ULK4: variants seen among roughly 807,000 people sequenced by gnomAD.
ULK4 encodes inactive serine/threonine-protein kinase ULK4.
In ULK4, 133 loss-of-function variants were observed where a neutral mutation model predicts 160.6. The observed-to-expected ratio is 0.83, with a 90% CI of 0.72 to 0.96. The LOEUF (loss-of-function observed/expected upper bound fraction) is 0.96. Ranked by LOEUF, ULK4 falls within the 40% of genes least tolerant of loss-of-function variation. ULK4 has a pLI of 0.00. For synonymous variants in ULK4, 534 were observed against 539.8 expected, an observed-to-expected ratio of 0.99 and a Z score of 0.15; for missense variants, 1,580 against 1,499.5, an observed-to-expected ratio of 1.05 and a Z score of -0.89.
In ULK4 at chr3:41,804,224, C is replaced by G. The variant is rs1198940472; in HGVS notation, c.1849-3931G>C. Among the ~76,000 whole-genome samples, 12 of 151,972 alleles carry G rather than the reference C, an allele frequency of 7.9e-5. No individual in the cohort carries two copies. The East Asian group carries it at 2.1e-3, about 27-fold the overall frequency. On this transcript the variant is annotated intron_variant, in intron 19 of 36. Transcript: ENST00000301831. The stretch of plus-strand genomic sequence containing the variant: ...CTCATTGTGGTTTTGATTTGCATTT[C>G]TCTGATGGCCAGTGATGGTGAGCAT...
intron 30 of ULK4, among the ~76,000 whole-genome samples, chr3:41,646,057 C>T (rs558821616): frequency 2.6e-4 from 39 of 152,266 alleles, no homozygotes; most frequent in African/African-American, 8.9e-4. Context: ...AGATCTTCCT[C>T]CATCCTTTTA....
chr3:41,859,657 GTTTGT>G (rs779933518), intron 17 of ULK4: 52 of 281,360 alleles, frequency 1.8e-4, no homozygotes, highest in Non-Finnish European at 2.6e-4. Flanking sequence ...CTTCTTTTTT[GTTTGT>G]TTTGTTTGTT....
In ULK4 at chr3:41,455,611, G is replaced by A. The variant is rs2125871776; in HGVS notation, c.3394-16C>T. The stretch of plus-strand genomic sequence containing the variant: ...ACTTCTGGGCCTGGAACAGAGAGAA[G>A]AGAAATGAAAGACGGTCTTGGTGAT... On this transcript the variant is annotated splice_polypyrimidine_tract_variant and intron_variant, in intron 33 of 36. Transcript: ENST00000301831. 6.2e-7 allele frequency: 1 copy of A among 1,612,886 alleles called. No individual in the cohort carries two copies. The highest frequency in any genetic ancestry group is 8.5e-7 in the Non-Finnish European group (1 of 1,179,518).
intron 4 of ULK4, among the ~76,000 whole-genome samples, chr3:41,935,209 A>ATTTTTTTTTTTTTT (rs10524611): frequency 2.2e-5 from 3 of 135,554 alleles, no homozygotes; most frequent in East Asian, 2.1e-4. Flanking sequence ...TTATTTATTT[A>ATTTTTTTTTTTTTT]TTTTTTTTTT....
chr3:41,831,012 T>TTA (rs2041563674), intron 18 of ULK4, among the ~76,000 whole-genome samples: 4 of 96,902 alleles, frequency 4.1e-5, no homozygotes, highest in African/African-American at 1.7e-4. Context: ...TTATTATTTT[T>TTA]TTTATTTATT....
intron 35 of ULK4, among the ~76,000 whole-genome samples, chr3:41,395,379 A>G (rs1262401709): frequency 6.6e-6 from 1 of 152,116 alleles, no homozygotes; most frequent in East Asian, 1.9e-4. Flanking sequence ...GAACAACACA[A>G]ATGTCCATCA....
At chr3:41,483,869 A>G (rs990557940) in intron 32 of ULK4, among the ~76,000 whole-genome samples, 4 of 152,204 alleles carry the variant, frequency 2.6e-5, no homozygotes, top group African/African-American at 2.4e-5. Context: ...GACAGAAGCA[A>G]GAAGTTGAAG....
At chr3:41,650,757 G>A (rs541671276) in intron 30 of ULK4, among the ~76,000 whole-genome samples, 2 of 152,292 alleles carry the variant, frequency 1.3e-5, no homozygotes, top group South Asian at 2.1e-4. Flanking sequence ...CAGCCACAGA[G>A]GTTTCCAGCT....
intron 32 of ULK4, among the ~76,000 whole-genome samples, chr3:41,540,242 T>A (rs964584420): frequency 1.2e-4 from 18 of 151,678 alleles, no homozygotes; most frequent in African/African-American, 3.9e-4. Context: ...CAGTGTGTGA[T>A]GCGTTCGCAT....
At chr3:41,945,542 A>G (rs951868018) in intron 2 of ULK4, among the ~76,000 whole-genome samples, 5 of 152,086 alleles carry the variant, frequency 3.3e-5, no homozygotes, top group Admixed American at 6.6e-5. Context: ...TACACTTGCT[A>G]AATGTTGCAA....
At chr3:41,354,624 C>A (rs987347295) in intron 35 of ULK4, among the ~76,000 whole-genome samples, 2 of 152,070 alleles carry the variant, frequency 1.3e-5, no homozygotes, top group African/African-American at 4.8e-5. Context: ...AGTTTCTGCT[C>A]TTAAGCTGGG....
At chr3:41,390,628 A>G (rs537444480) in intron 35 of ULK4, among the ~76,000 whole-genome samples, 1 of 152,172 alleles carries the variant, frequency 6.6e-6, no homozygotes, top group East Asian at 1.9e-4. Flanking sequence ...TTATGTACCC[A>G]GTAGTCATTC....
At chr3:41,764,452 A>C (rs1334099522) in intron 21 of ULK4, among the ~76,000 whole-genome samples, 3 of 151,930 alleles carry the variant, frequency 2.0e-5, no homozygotes, top group Non-Finnish European at 2.9e-5. Context: ...CAAATCATAC[A>C]AAAAAAAGTG....
intron 23 of ULK4, among the ~76,000 whole-genome samples, chr3:41,716,585 CTG>C (rs1193470037): frequency 6.6e-6 from 1 of 152,110 alleles, no homozygotes; most frequent in African/African-American, 2.4e-5. Flanking sequence ...AAAAAAGTTG[CTG>C]TCAGTTAGCC....
At chr3:41,879,985 T>C (rs1697452691) in intron 17 of ULK4, among the ~76,000 whole-genome samples, 1 of 152,050 alleles carries the variant, frequency 6.6e-6, no homozygotes, top group African/African-American at 2.4e-5. Context: ...CTGGGCGTGG[T>C]AGTGCATGCC....
intron 32 of ULK4, among the ~76,000 whole-genome samples, chr3:41,552,145 G>T (rs745620580): frequency 6.6e-6 from 1 of 151,894 alleles, no homozygotes; most frequent in African/African-American, 2.4e-5. Flanking sequence ...ATGACAAACA[G>T]CTAACATCAT....
chr3:41,452,363 A>G (rs2083442445), intron 34 of ULK4, among the ~76,000 whole-genome samples: 1 of 152,198 alleles, frequency 6.6e-6, no homozygotes, highest in Non-Finnish European at 1.5e-5. Flanking sequence ...CCTGTTCAAC[A>G]AACAATTCTG....
chr3:41,761,283 T>C (rs1168128587), intron 21 of ULK4, among the ~76,000 whole-genome samples: 4 of 148,078 alleles, frequency 2.7e-5, no homozygotes, highest in Non-Finnish European at 4.4e-5. Context: ...AAAAATAATA[T>C]AGTATATATA....
chr3:41,636,040 G>C lies in ULK4; in HGVS notation c.3072-20323C>G, dbSNP rs574667533. Among the ~76,000 whole-genome samples, 6 of 152,156 alleles carry C rather than the reference G, an allele frequency of 3.9e-5. No homozygotes were observed. The East Asian group carries it at 1.2e-3, about 29-fold the overall frequency. On this transcript the variant is annotated intron_variant, in intron 30 of 36. Transcript: ENST00000301831. ...ATAGAAAACAAAATAAACCTAGTGG[G>C]GTTTAGAAATCACTTCAAATGGGTT...
Sources: gnomAD v4.1 joint callset for allele counts (sites outside exome capture counted in the v4.1 genomes callset) on GRCh38, gnomAD v4.1.1 for gene constraint, MANE v1.5 for transcripts, NCBI Gene and HGNC (gene_info 2026-07-23, HGNC 2026-07-21) for gene names.